EDA: variants seen among roughly 807,000 people sequenced by gnomAD.
EDA encodes ectodysplasin A, also known as ectodysplasin-A.
EDA carries 2 observed loss-of-function variants against 23.6 expected under a neutral mutation model. The observed-to-expected ratio is 0.08, with a 90% CI of 0.03 to 0.27. EDA has a LOEUF of 0.27. EDA is among the 10% of genes least tolerant of loss of function. EDA has a pLI of 1.00. For synonymous variants in EDA, 131 were observed against 132.0 expected (o/e 0.99, Z 0.05); for missense variants, 229 against 324.2 (o/e 0.71, Z 2.26).
Position 69,660,428 on chromosome X carries a change from G to GTGTGC in EDA, c.396+43727_396+43731dup, listed in dbSNP as rs1193207842. ...ACATATGTATACATGTGCCATGTTGGTGTGCTGCACCCATTAACTCGTCAT... is the reference window on the plus strand; with the variant it reads ...ACATATGTATACATGTGCCATGTTGGTGTGCTGTGCTGCACCCATTAACTCGTCAT... On this transcript the variant is annotated intron_variant, in intron 1 of 7. Coordinates refer to ENST00000374552, the MANE Select transcript of EDA (RefSeq NM_001399.5). Among the ~76,000 whole-genome samples, 5 of 110,180 alleles carry GTGTGC rather than the reference G, an allele frequency of 4.5e-5. No individual in the cohort carries two copies. The East Asian group carries it at 1.4e-3, about 31-fold the overall frequency.
At chrX:69,744,451 G>A (rs1405789062) in intron 1 of EDA, among the ~76,000 whole-genome samples, 2 of 112,078 alleles carry the variant, frequency 1.8e-5, no homozygotes, top group East Asian at 2.8e-4. Flanking sequence ...ATTGGTCATA[G>A]TACTGCTACT....
intron 1 of EDA, among the ~76,000 whole-genome samples, chrX:69,715,651 T>C (rs1269257926): frequency 9.0e-6 from 1 of 111,660 alleles, no homozygotes; most frequent in African/African-American, 3.3e-5. Context: ...CTTTGAGGAA[T>C]TGCCACACTG....
intron 1 of EDA, among the ~76,000 whole-genome samples, chrX:69,767,552 CCTTT>C (rs1012409974): frequency 3.8e-5 from 4 of 106,428 alleles, no homozygotes; most frequent in African/African-American, 1.3e-4. Flanking sequence ...ATAGTTCATT[CCTTT>C]CTTATTGTTT....
intron 1 of EDA, among the ~76,000 whole-genome samples, chrX:69,761,017 G>A (rs2014291709): frequency 9.0e-6 from 1 of 110,910 alleles, no homozygotes; most frequent in Non-Finnish European, 1.9e-5. Context: ...AGCAGGTATA[G>A]GAAAGCTCAA....
Position 70,027,551 on chromosome X carries a change from G to A in EDA, c.527-306G>A, listed in dbSNP as rs7877224. ...CAAATGTAACACTGAGGCCAGGCGC[G>A]GTGGCTCACGCCTGTAATCCCAGCA... is the stretch of plus-strand genomic sequence containing the variant. On this transcript the variant is annotated intron_variant, in intron 3 of 7. Coordinates refer to ENST00000374552, the MANE Select transcript of EDA (RefSeq NM_001399.5). Among the ~76,000 whole-genome samples, 2,359 of 111,668 alleles carry A rather than the reference G, an allele frequency of 0.021. 63 individuals are homozygous for A. The highest frequency in any genetic ancestry group is 0.069 in the African/African-American group (2,128 of 30,641).
At chrX:69,667,940 T>C (rs1430209382) in intron 1 of EDA, among the ~76,000 whole-genome samples, 2 of 111,628 alleles carry the variant, frequency 1.8e-5, no homozygotes, top group African/African-American at 6.5e-5. Context: ...ACTAATTCAC[T>C]CTCACAGTAA....
intron 1 of EDA, among the ~76,000 whole-genome samples, chrX:69,632,343 CAA>C (rs924269596): frequency 2.6e-4 from 29 of 111,984 alleles, no homozygotes; most frequent in East Asian, 1.7e-3. Flanking sequence ...GCAATTACCT[CAA>C]GTCTCTTGAC....
intron 1 of EDA, among the ~76,000 whole-genome samples, chrX:69,832,200 G>A (rs1017153345): frequency 3.6e-5 from 4 of 111,549 alleles, no homozygotes; most frequent in African/African-American, 1.3e-4. Flanking sequence ...AATCAATCTC[G>A]AGTTAATTTT....
At chrX:69,816,972 A>G (rs1476693115) in intron 1 of EDA, among the ~76,000 whole-genome samples, 1 of 111,406 alleles carries the variant, frequency 9.0e-6, no homozygotes, top group African/African-American at 3.3e-5. Context: ...GAAAAAGGCC[A>G]GGTCACCTAC....
chrX:69,633,782 T>A (rs1423624461), intron 1 of EDA, among the ~76,000 whole-genome samples: 1 of 112,797 alleles, frequency 8.9e-6, no homozygotes, highest in Non-Finnish European at 1.9e-5. Flanking sequence ...TTGAGTTGTT[T>A]CCACCTTGGG....
At chrX:69,798,182 C>G (rs1245726922) in intron 1 of EDA, among the ~76,000 whole-genome samples, 1 of 111,098 alleles carries the variant, frequency 9.0e-6, no homozygotes, top group African/African-American at 3.3e-5. Context: ...ATTACTAGAT[C>G]TAAACAGAGA....
chrX:69,681,445 A>G (rs1934347681), intron 1 of EDA, among the ~76,000 whole-genome samples: 1 of 111,335 alleles, frequency 9.0e-6, no homozygotes, highest in South Asian at 3.9e-4. Flanking sequence ...TCTCCCCGTC[A>G]CTTTCAGGTA....
intron 1 of EDA, among the ~76,000 whole-genome samples, chrX:69,918,149 CTTTTTTT>C (rs71981189): frequency 1.4e-5 from 1 of 73,483 alleles, no homozygotes; most frequent in Non-Finnish European, 2.5e-5. Context: ...CCATCCCCTG[CTTTTTTT>C]TTTTTTTTTT....
At chrX:69,881,580 C>T (rs2017748136) in intron 1 of EDA, among the ~76,000 whole-genome samples, 1 of 112,125 alleles carries the variant, frequency 8.9e-6, no homozygotes, top group Non-Finnish European at 1.9e-5. Flanking sequence ...GAATTGATCC[C>T]TCCCACTGGC....
At chrX:69,787,826 T>C (rs1024491082) in intron 1 of EDA, among the ~76,000 whole-genome samples, 2 of 110,819 alleles carry the variant, frequency 1.8e-5, no homozygotes, top group African/African-American at 6.6e-5. Flanking sequence ...TTCCTGAATC[T>C]GAATGTTGGC....
intron 1 of EDA, among the ~76,000 whole-genome samples, chrX:69,710,650 A>T (rs924531592): frequency 4.5e-5 from 5 of 111,570 alleles, no homozygotes; most frequent in Non-Finnish European, 9.4e-5. Flanking sequence ...ATTTGTTTGT[A>T]TCCTCTTTGA....
At chrX:69,833,053 C>G in intron 1 of EDA, among the ~76,000 whole-genome samples, 1 of 111,370 alleles carries the variant, frequency 9.0e-6, no homozygotes. Context: ...CCTGATTGCC[C>G]TGGCCAGAAC....
chrX:69,930,478 TA>T lies in EDA; in HGVS notation c.397-26538del, dbSNP rs200057809. ...CAAAATCCAATACCAATTCATGATT[TA>T]AAAAAAAAAAGAAACTCCCAACCAA... On this transcript the variant is annotated intron_variant, in intron 1 of 7. Coordinates refer to ENST00000374552, the MANE Select transcript of EDA (RefSeq NM_001399.5). Among the ~76,000 whole-genome samples, 929 of 103,601 alleles carry T rather than the reference TA, an allele frequency of 9.0e-3. 3 individuals carry two copies. Among genetic ancestry groups the T allele is most frequent in the African/African-American group, 0.029 (850 of 28,849 alleles). The allele number at this position is 103,601 out of a possible 115,157, so 90.0% of individuals were successfully genotyped here. A position where few individuals can be genotyped will look rare whatever the true frequency, so the allele number is the denominator to read the frequency against.
rs908708881 is a variant in EDA, at chrX:70,037,751, G to A, written c.*2142G>A. ...AGATGCCTGATTTCATTCCTCGATGGTAATACCCGTCCTCTCGGCTGCCAG... is the reference window on the plus strand; with the variant it reads ...AGATGCCTGATTTCATTCCTCGATGATAATACCCGTCCTCTCGGCTGCCAG... On this transcript the variant is annotated 3_prime_UTR_variant, in exon 8 of 8. Transcript: ENST00000374552. The A allele has an allele frequency of 3.6e-5, 4 of 111,883 alleles. No homozygotes were observed. Among genetic ancestry groups the A allele is most frequent in the African/African-American group, 6.5e-5 (2 of 30,722 alleles). The allele number at this position is 111,883 out of a possible 1,213,427, so 9.2% of individuals were successfully genotyped here. A position where few individuals can be genotyped will look rare whatever the true frequency, so the allele number is the denominator to read the frequency against.
Sources: gnomAD v4.1 joint callset for allele counts (sites outside exome capture counted in the v4.1 genomes callset) on GRCh38, gnomAD v4.1.1 for gene constraint, MANE v1.5 for transcripts, NCBI Gene and HGNC (gene_info 2026-07-23, HGNC 2026-07-21) for gene names.